Variants in C6 observed in about 807,000 individuals in gnomAD.
The protein encoded by C6 is complement component C6.
Under a neutral mutation model 112.9 loss-of-function variants are expected in C6, and 101 were observed. The ratio of observed to expected loss-of-function variants is 0.89; its 90% CI spans 0.76 to 1.06. The LOEUF (loss-of-function observed/expected upper bound fraction) is 1.06, where lower values mean the gene tolerates loss of function less well. Among genes scored for constraint, C6 ranks in the 50% least tolerant of loss-of-function variants. C6 has a pLI of 0.00. For synonymous variants in C6, 431 were observed against 384.1 expected (o/e 1.12, Z -1.43); for missense variants, 1,202 against 1,104.6 (o/e 1.09, Z -1.25).
intron 1 of C6, among the ~76,000 whole-genome samples, chr5:41,206,277 C>T (rs6879200): frequency 3.4e-3 from 511 of 152,306 alleles, no homozygotes; most frequent in African/African-American, 0.011. Context: ...GAAACCAGAG[C>T]AGAAAAGCTG....
intron 1 of C6, among the ~76,000 whole-genome samples, chr5:41,238,450 A>C (rs1000859860): frequency 2.0e-5 from 3 of 152,206 alleles, no homozygotes; most frequent in Admixed American, 2.0e-4. Context: ...ATTAATAAAT[A>C]ATAAATGGCA....
At chr5:41,218,412 T>C (rs1006239009), upstream of C6, among the ~76,000 whole-genome samples, 9 of 152,264 alleles carry the variant, frequency 5.9e-5, no homozygotes, top group African/African-American at 2.2e-4. Context: ...ATCCTGCCTT[T>C]GTAAAATTTA....
chr5:41,233,739 G>GAATTTGAAATCTTTTTGA (rs1299425420), intron 1 of C6, among the ~76,000 whole-genome samples: 14 of 152,108 alleles, frequency 9.2e-5, no homozygotes, highest in African/African-American at 2.9e-4. Context: ...TCTAATCTTA[G>GAATTTGAAATCTTTTTGA]AAGATTTGAA....
At chr5:41,162,386 G>GA (rs796217115) in intron 9 of C6, among the ~76,000 whole-genome samples, 115 of 152,114 alleles carry the variant, frequency 7.6e-4, no homozygotes, top group African/African-American at 2.7e-3. Flanking sequence ...CAATTACAGG[G>GA]AAAAAATGGT....
chr5:41,175,461 T>C (rs992803247), intron 8 of C6, among the ~76,000 whole-genome samples: 1 of 152,222 alleles, frequency 6.6e-6, no homozygotes, highest in African/African-American at 2.4e-5. Context: ...CTTCATTATA[T>C]GTAACTGTCA....
rs150931891 is a variant in C6, at chr5:41,203,221, G to T, written c.10C>A (p.Arg4Ser). MAR[R>S]SVLYFILLNA... ...AGCAGGATGAAGTACAAGACAGAGC[G>T]TCTGGCCATGCCTTGAGAGCCTCCA... Residue 4 changes from arginine (R) to serine (S), a missense_variant, in exon 2 of 18, where the codon CGC becomes AGC. Transcript: ENST00000337836. 3 of 1,614,100 alleles carry T rather than the reference G, an allele frequency of 1.9e-6. No individual in the cohort carries two copies. The highest frequency in any genetic ancestry group is 1.7e-5 in the Admixed American group (1 of 60,028).
chr5:41,246,456 C>A (rs1741025601), intron 1 of C6, among the ~76,000 whole-genome samples: 2 of 152,158 alleles, frequency 1.3e-5, no homozygotes, highest in East Asian at 3.9e-4. Context: ...CTGATAAAAG[C>A]TTCTCTGCCA....
intron 6 of C6, among the ~76,000 whole-genome samples, chr5:41,183,793 G>A (rs957862127): frequency 6.6e-6 from 1 of 152,168 alleles, no homozygotes; most frequent in African/African-American, 2.4e-5. Flanking sequence ...TGGAATACTA[G>A]CAGCCATAAA....
intron 1 of C6, among the ~76,000 whole-genome samples, chr5:41,210,378 A>C (rs149180346): frequency 0.025 from 3,824 of 152,296 alleles, 161 homozygotes; most frequent in African/African-American, 0.088. Context: ...GGATCTAATT[A>C]AACTAAAGAG....
rs757226999 is a variant in C6 at position 41,176,509 on chromosome 5, G to A, written c.1134C>T (p.Leu378=). ...TTAGTTCCTCACTGCTAAACTGATA[G>A]AGAAGGTCATACACGCCTCCCAGGG... ...SGSLGGVYDL[L]YQFSSEELKN... The change falls in exon 8 of 18, where the codon CTC becomes CTT. Residue 378 remains leucine (L), a synonymous_variant. Transcript: ENST00000337836. The A allele has an allele frequency of 1.9e-6, 3 of 1,613,662 alleles. No individual in the cohort carries two copies. Among genetic ancestry groups the A allele is most frequent in the Admixed American group, 1.7e-5 (1 of 59,982 alleles).
chr5:41,192,021 A>G (rs1381178198), intron 5 of C6, among the ~76,000 whole-genome samples: 1 of 152,186 alleles, frequency 6.6e-6, no homozygotes, highest in Non-Finnish European at 1.5e-5. Flanking sequence ...TTCTCTACCC[A>G]GTATGATGCT....
chr5:41,212,515 C>T (rs1251096862), intron 1 of C6, among the ~76,000 whole-genome samples: 1 of 152,088 alleles, frequency 6.6e-6, no homozygotes, highest in Admixed American at 6.6e-5. Context: ...TTATGATGGC[C>T]TAGCATATTG....
chr5:41,195,478 G>A (rs1259850574), intron 5 of C6, among the ~76,000 whole-genome samples: 1 of 152,042 alleles, frequency 6.6e-6, no homozygotes, highest in African/African-American at 2.4e-5. Context: ...CAGCTTGATG[G>A]GCTTAGACCA....
At chr5:41,248,907 T>C (rs1353168421) in intron 1 of C6, among the ~76,000 whole-genome samples, 2 of 152,148 alleles carry the variant, frequency 1.3e-5, no homozygotes, top group African/African-American at 2.4e-5. Flanking sequence ...AGCAAAGATA[T>C]GGAATGAATC....
At position 41,161,731 on chromosome 5, in the gene C6, C is replaced by G. The variant is rs750544996; in HGVS notation, c.1420G>C (p.Glu474Gln). 2 of 1,613,522 alleles carry G rather than the reference C, an allele frequency of 1.2e-6. No homozygotes were observed. The highest frequency in any genetic ancestry group is 2.7e-5 in the African/African-American group (2 of 74,908). ...LEEKTFSEWL[E>Q]SVKENPAVID... is the part of the protein sequence containing the mutation. The stretch of plus-strand genomic sequence containing the variant: ...ACAGCAGGATTTTCCTTCACTGATT[C>G]TAACCACTCAGAAAATGTCTTCTCC... The change falls in exon 10 of 18, where the codon GAA (glutamate) becomes CAA (glutamine). Residue 474 changes from glutamate to glutamine, a missense_variant. Physicochemically the swap from Glu to Gln is conservative, Grantham distance 29. Coordinates refer to ENST00000337836, the MANE Select transcript of C6 (RefSeq NM_000065.5).
chr5:41,212,628 C>A (rs540640724), intron 1 of C6, among the ~76,000 whole-genome samples: 23 of 152,184 alleles, frequency 1.5e-4, no homozygotes, highest in African/African-American at 5.5e-4. Context: ...AATTTTCATA[C>A]AAACATAGAA....
At chr5:41,158,136 G>A (rs947907221) in intron 13 of C6, among the ~76,000 whole-genome samples, 2 of 152,198 alleles carry the variant, frequency 1.3e-5, no homozygotes, top group East Asian at 3.9e-4. Flanking sequence ...AAAGGGCATA[G>A]ATCTGTCTGA....
At chr5:41,242,894 T>TAAA (rs11363565) in intron 1 of C6, among the ~76,000 whole-genome samples, 12 of 148,196 alleles carry the variant, frequency 8.1e-5, no homozygotes, top group African/African-American at 2.7e-4. Flanking sequence ...CCAAGTACAG[T>TAAA]AAAAAAAAAA....
intron 1 of C6, among the ~76,000 whole-genome samples, chr5:41,240,910 C>T (rs1360127204): frequency 6.6e-6 from 1 of 152,126 alleles, no homozygotes; most frequent in Non-Finnish European, 1.5e-5. Flanking sequence ...CTTAGGTCTC[C>T]AAATTGCGTG....
Sources: allele counts gnomAD v4.1 joint callset (sites outside exome capture counted in the v4.1 genomes callset), GRCh38; gene constraint gnomAD v4.1.1; transcripts MANE v1.5; gene names NCBI Gene and HGNC (gene_info 2026-07-23, HGNC 2026-07-21).